ATF2: variants seen among roughly 807,000 people sequenced by gnomAD.
The protein encoded by ATF2 is activating transcription factor 2.
In ATF2, 24 loss-of-function variants were observed where a neutral mutation model predicts 60.6. The observed-to-expected ratio is 0.40, with a 90% confidence interval of 0.29 to 0.56. The LOEUF (loss-of-function observed/expected upper bound fraction) is 0.56. Among genes scored for constraint, ATF2 ranks in the 20% least tolerant of loss-of-function variants. The probability of loss-of-function intolerance (pLI) is 0.54; values close to 1 mark genes in which losing one functional copy is unlikely to be tolerated. For missense variants in ATF2, 433 were observed against 607.7 expected, an observed-to-expected ratio of 0.71 and a Z score of 3.02; for synonymous variants, 206 against 215.4, an observed-to-expected ratio of 0.96 and a Z score of 0.38.
rs147663783 is a variant in ATF2 at position 175,122,165 on chromosome 2, A to G, written c.103-625T>C. Among the ~76,000 whole-genome samples, 144 of 152,110 alleles carry G rather than the reference A, an allele frequency of 9.5e-4. 5 individuals are homozygous for G. In the East Asian group the frequency reaches 0.024, roughly 26 times the overall value. On this transcript the variant is annotated intron_variant, in intron 4 of 13. Transcript: ENST00000264110. The stretch of plus-strand genomic sequence containing the variant: ...ATTTTTTCATGAGAGTTCTTACATA[A>G]AAATGGAGCAAAGTTGTTTTTAGAA...
intron 10 of ATF2, among the ~76,000 whole-genome samples, chr2:175,100,200 C>T (rs1695214254): frequency 6.6e-6 from 1 of 152,156 alleles, no homozygotes; most frequent in Non-Finnish European, 1.5e-5. Context: ...ATTTCTTTAC[C>T]TATAAAACTG....
intron 12 of ATF2, among the ~76,000 whole-genome samples, chr2:175,083,946 C>T (rs1041661906): frequency 2.0e-5 from 3 of 152,034 alleles, no homozygotes; most frequent in Non-Finnish European, 2.9e-5. Flanking sequence ...CAATGAGATA[C>T]CATCTCACAC....
chr2:175,088,606 G>A (rs1216828360), intron 12 of ATF2, among the ~76,000 whole-genome samples: 4 of 151,538 alleles, frequency 2.6e-5, no homozygotes, highest in East Asian at 2.0e-4. Context: ...ATGTTTTGCC[G>A]TTACCTTTAA....
chr2:175,097,416 T>G (rs1695004292), intron 11 of ATF2, 28 bp downstream of exon 11: 1 of 1,611,296 alleles, frequency 6.2e-7, no homozygotes, highest in Non-Finnish European at 8.5e-7. Flanking sequence ...GATGACAGAG[T>G]GCTGAATAAT....
chr2:175,074,537 A>C lies in ATF2; in HGVS notation c.*72T>G. On this transcript the variant is annotated 3_prime_UTR_variant, in exon 14 of 14. Coordinates refer to ENST00000264110, the MANE Select transcript of ATF2 (RefSeq NM_001880.4). ...CAACCACAGATTTCGCATAAATGGA[A>C]ACTGGTCTTTCCTTGATTTCCCTTT... 1.3e-6 allele frequency: 2 copies of C among 1,482,148 alleles called. No homozygotes were observed. Among genetic ancestry groups the C allele is most frequent in the Non-Finnish European group, 1.8e-6 (2 of 1,107,862 alleles). The allele number at this position is 1,482,148 out of a possible 1,614,324, so 91.8% of individuals were successfully genotyped here. A position where few individuals can be genotyped will look rare whatever the true frequency, so the allele number is the denominator to read the frequency against.
At chr2:175,166,355 A>G (rs1348457169) in intron 1 of ATF2, among the ~76,000 whole-genome samples, 1 of 152,242 alleles carries the variant, frequency 6.6e-6, no homozygotes, top group African/African-American at 2.4e-5. Flanking sequence ...TCTTTTACAC[A>G]TCACGGTAAA....
chr2:175,152,384 C>T (rs1009131999), intron 1 of ATF2, among the ~76,000 whole-genome samples: 5 of 152,156 alleles, frequency 3.3e-5, no homozygotes, highest in African/African-American at 9.7e-5. Flanking sequence ...GGTAAACTCA[C>T]ATACTCAGTC....
At chr2:175,086,573 C>T (rs961639619) in intron 12 of ATF2, among the ~76,000 whole-genome samples, 3 of 151,906 alleles carry the variant, frequency 2.0e-5, no homozygotes, top group Admixed American at 6.6e-5. Flanking sequence ...TATATATATA[C>T]ACATTTATTT....
At chr2:175,098,011 C>T (rs1695051703) in intron 10 of ATF2, among the ~76,000 whole-genome samples, 1 of 152,012 alleles carries the variant, frequency 6.6e-6, no homozygotes, top group Non-Finnish European at 1.5e-5. Context: ...AGAATGAGGC[C>T]CTAGATATTT....
chr2:175,161,525 C>A (rs1700027488), intron 1 of ATF2, among the ~76,000 whole-genome samples: 1 of 152,158 alleles, frequency 6.6e-6, no homozygotes, highest in Non-Finnish European at 1.5e-5. Context: ...CAAGATAACA[C>A]AGTAAGTGGT....
At chr2:175,126,300 C>G (rs2105734210) in intron 4 of ATF2, among the ~76,000 whole-genome samples, 1 of 152,250 alleles carries the variant, frequency 6.6e-6, no homozygotes, top group African/African-American at 2.4e-5. Context: ...TTTTAAACAC[C>G]AGAGGTGCCC....
rs892012857 is a variant in ATF2 at position 175,164,087 on chromosome 2, C to T, written c.-143+3963G>A. Among the ~76,000 whole-genome samples, 4 of 149,334 alleles carry T rather than the reference C, an allele frequency of 2.7e-5. No individual in the cohort carries two copies. In the East Asian group the frequency reaches 7.8e-4, roughly 29 times the overall value. On this transcript the variant is annotated intron_variant, in intron 1 of 13. Coordinates refer to ENST00000264110, the MANE Select transcript of ATF2 (RefSeq NM_001880.4). ...GTAAAAATAGGCCCGGGTGCAGTGG[C>T]TCATGCCTGTAATGCCTTAAAAGTG...
At chr2:175,114,563 A>T (rs1351272642) in intron 8 of ATF2, 127 bp downstream of exon 8, 1 of 1,416,134 alleles carries the variant, frequency 7.1e-7, no homozygotes, top group African/African-American at 1.4e-5. Flanking sequence ...ACTTTTTCCA[A>T]AATTCGAAGC....
chr2:175,074,889 C>G (rs776915363), intron 13 of ATF2, 54 bp from the exon 14 acceptor site: 1 of 1,600,754 alleles, frequency 6.2e-7, no homozygotes, highest in South Asian at 1.1e-5. Context: ...AAGAATGCAC[C>G]AGTATGCTGA....
intron 3 of ATF2, among the ~76,000 whole-genome samples, chr2:175,134,571 A>T (rs1698001193): frequency 6.6e-6 from 1 of 152,058 alleles, no homozygotes; most frequent in South Asian, 2.1e-4. Flanking sequence ...GAAAGAAAAA[A>T]GATCAGTGTG....
intron 3 of ATF2, among the ~76,000 whole-genome samples, chr2:175,135,690 T>C (rs1698092826): frequency 6.6e-6 from 1 of 152,164 alleles, no homozygotes; most frequent in Admixed American, 6.5e-5. Flanking sequence ...AAGGACCTTT[T>C]TGGATCCTGA....
chr2:175,086,571 T>C (rs1200863005), intron 12 of ATF2, among the ~76,000 whole-genome samples: 2 of 152,078 alleles, frequency 1.3e-5, no homozygotes, highest in African/African-American at 4.8e-5. Context: ...CATATATATA[T>C]ACACATTTAT....
chr2:175,083,972 T>C (rs2105551484), intron 12 of ATF2, among the ~76,000 whole-genome samples: 1 of 152,126 alleles, frequency 6.6e-6, no homozygotes, highest in East Asian at 1.9e-4. Flanking sequence ...AGAATGGCAA[T>C]CATTAAAAAG....
chr2:175,165,630 C>G (rs1700301105), intron 1 of ATF2, among the ~76,000 whole-genome samples: 1 of 152,144 alleles, frequency 6.6e-6, no homozygotes. Flanking sequence ...CAATAAAGAC[C>G]ACCCCAACCC....
Sources: allele counts gnomAD v4.1 joint callset (sites outside exome capture counted in the v4.1 genomes callset), GRCh38; gene constraint gnomAD v4.1.1; transcripts MANE v1.5; gene names NCBI Gene and HGNC (gene_info 2026-07-23, HGNC 2026-07-21).